The following AGBL4 variants were observed in gnomAD, a reference collection of about 807,000 sequenced individuals.
AGBL4 encodes the protein cytosolic carboxypeptidase 6.
Under a neutral mutation model 66.4 loss-of-function variants are expected in AGBL4, and 58 were observed. That is an observed-to-expected ratio of 0.87 (90% CI 0.71 to 1.09). The LOEUF (loss-of-function observed/expected upper bound fraction) is 1.09, where lower values mean the gene tolerates loss of function less well. Among genes scored for constraint, AGBL4 ranks in the 50% least tolerant of loss-of-function variants. AGBL4 has a pLI of 0.00. For synonymous variants in AGBL4, 234 were observed against 222.9 expected (o/e 1.05, Z -0.44); for missense variants, 579 against 631.0 (o/e 0.92, Z 0.88).
In AGBL4 at chr1:48,678,134, C is replaced by T. The variant is rs1042710094; in HGVS notation, c.635-14893G>A. 3.9e-5 allele frequency among the ~76,000 whole-genome samples: 6 copies of T among 152,068 alleles called. No individual in the cohort carries two copies. The East Asian group carries it at 5.8e-4, about 15-fold the overall frequency. ...TGTCAGGGACAGGGCAGCCTGACAGCGCTAGGATGGTCAGGCCTTCTCAGC... is the reference window on the plus strand; with the variant it reads ...TGTCAGGGACAGGGCAGCCTGACAGTGCTAGGATGGTCAGGCCTTCTCAGC... On this transcript the variant is annotated intron_variant, in intron 6 of 13. Transcript: ENST00000371839.
chr1:48,805,677 T>C (rs1439298471), intron 6 of AGBL4, among the ~76,000 whole-genome samples: 1 of 152,154 alleles, frequency 6.6e-6, no homozygotes, highest in Non-Finnish European at 1.5e-5. Flanking sequence ...AAAAGTTACT[T>C]CACCACAACG....
chr1:48,905,409 A>C (rs751530520), intron 5 of AGBL4, among the ~76,000 whole-genome samples: 3 of 152,232 alleles, frequency 2.0e-5, no homozygotes, highest in Non-Finnish European at 4.4e-5. Flanking sequence ...GTAATGTAGA[A>C]ATCATTGAGA....
chr1:49,311,920 T>A lies in AGBL4; in HGVS notation c.283-66056A>T, dbSNP rs188318435. Among the ~76,000 whole-genome samples, 439 of 152,130 alleles carry A rather than the reference T, an allele frequency of 2.9e-3. 1 individual carries two copies. The highest frequency in any genetic ancestry group is 4.8e-3 in the Non-Finnish European group (324 of 67,974). Reference sequence around the variant, plus strand: ...CAAAAATAGCTATAAAATGGAACAGTATAGAAAGTCCTAAAAAACTCATTC... The same window carrying A: ...CAAAAATAGCTATAAAATGGAACAGAATAGAAAGTCCTAAAAAACTCATTC... On this transcript the variant is annotated intron_variant, in intron 3 of 13. Coordinates refer to ENST00000371839, the MANE Select transcript of AGBL4 (RefSeq NM_032785.4).
At chr1:49,959,530 G>C (rs969675213) in intron 1 of AGBL4, among the ~76,000 whole-genome samples, 1 of 152,064 alleles carries the variant, frequency 6.6e-6, no homozygotes, top group African/African-American at 2.4e-5. Context: ...CTGGAACACA[G>C]TGGCTGTTTA....
intron 4 of AGBL4, among the ~76,000 whole-genome samples, chr1:49,160,524 G>A (rs2148138974): frequency 6.6e-6 from 1 of 152,238 alleles, no homozygotes; most frequent in East Asian, 1.9e-4. Context: ...GGAGACATGG[G>A]GGTCAGGGAC....
intron 2 of AGBL4, among the ~76,000 whole-genome samples, chr1:49,700,064 T>C (rs1012996011): frequency 1.3e-5 from 2 of 151,716 alleles, no homozygotes; most frequent in East Asian, 1.9e-4. Flanking sequence ...TTATTTTGGA[T>C]ATAATATCAA....
At chr1:48,757,244 C>T (rs1643982603) in intron 6 of AGBL4, among the ~76,000 whole-genome samples, 1 of 152,156 alleles carries the variant, frequency 6.6e-6, no homozygotes. Flanking sequence ...AAATTATTCA[C>T]TTTAAGATTG....
At chr1:48,913,297 C>T (rs1653302953) in intron 5 of AGBL4, among the ~76,000 whole-genome samples, 2 of 152,072 alleles carry the variant, frequency 1.3e-5, no homozygotes, top group South Asian at 4.2e-4. Flanking sequence ...GTGATTGAGT[C>T]CTGTTGCTGT....
chr1:49,996,508 T>G (rs1385080085), intron 1 of AGBL4, among the ~76,000 whole-genome samples: 1 of 151,466 alleles, frequency 6.6e-6, no homozygotes, highest in Non-Finnish European at 1.5e-5. Flanking sequence ...AATCCAACAA[T>G]GACAAAGAAA....
intron 3 of AGBL4, among the ~76,000 whole-genome samples, chr1:49,254,168 G>A (rs1019023817): frequency 2.6e-5 from 4 of 152,054 alleles, no homozygotes; most frequent in African/African-American, 9.7e-5. Context: ...CCTGGCCAGG[G>A]CAATCAGGCA....
At position 48,604,541 on chromosome 1, in the gene AGBL4, A is replaced by G. The variant is rs531720181; in HGVS notation, c.952-13556T>C. ...ATAAATTAAGCATAAGTGACTACAG[A>G]GGAGGTCTACCAAAAAAAAAAGTTA... On this transcript the variant is annotated intron_variant, in intron 9 of 13. Transcript: ENST00000371839. Among the ~76,000 whole-genome samples, 9 of 152,250 alleles carry G rather than the reference A, an allele frequency of 5.9e-5. No homozygotes were observed. In the East Asian group the frequency reaches 1.7e-3, roughly 29 times the overall value.
chr1:48,891,920 A>G (rs3127559), intron 5 of AGBL4, among the ~76,000 whole-genome samples: 131,246 of 152,130 alleles, frequency 0.86, 57,810 homozygotes, highest in Non-Finnish European at 0.96. Context: ...GTTCTAATAA[A>G]GGGAAGAGCA....
chr1:49,512,605 T>A (rs1649377618), intron 3 of AGBL4, among the ~76,000 whole-genome samples: 1 of 151,816 alleles, frequency 6.6e-6, no homozygotes, highest in Non-Finnish European at 1.5e-5. Flanking sequence ...CCTTCTGCCG[T>A]GATTGGAAGC....
At chr1:48,709,731 A>G (rs1646935679) in intron 6 of AGBL4, among the ~76,000 whole-genome samples, 1 of 151,948 alleles carries the variant, frequency 6.6e-6, no homozygotes, top group African/African-American at 2.4e-5. Context: ...CCTCCTGAGT[A>G]TCTGGGACTA....
chr1:48,650,262 T>A (rs1313618155), intron 8 of AGBL4, among the ~76,000 whole-genome samples: 2 of 152,208 alleles, frequency 1.3e-5, no homozygotes, highest in African/African-American at 4.8e-5. Flanking sequence ...CTCACGGGGA[T>A]GACTTAACTT....
At chr1:48,966,869 C>T (rs1188045286) in intron 5 of AGBL4, among the ~76,000 whole-genome samples, 1 of 152,018 alleles carries the variant, frequency 6.6e-6, no homozygotes, top group African/African-American at 2.4e-5. Context: ...TTTACCAAAA[C>T]TATAATTTGC....
At chr1:49,993,334 C>T (rs1194919860) in intron 1 of AGBL4, among the ~76,000 whole-genome samples, 2 of 152,182 alleles carry the variant, frequency 1.3e-5, no homozygotes, top group Non-Finnish European at 2.9e-5. Context: ...GTTCCTTGAT[C>T]CAGAAATCTA....
intron 2 of AGBL4, among the ~76,000 whole-genome samples, chr1:49,832,052 T>C (rs1645699889): frequency 6.6e-6 from 1 of 151,996 alleles, no homozygotes; most frequent in Non-Finnish European, 1.5e-5. Flanking sequence ...ATGTGCAGGT[T>C]AGTTACATAT....
intron 2 of AGBL4, among the ~76,000 whole-genome samples, chr1:49,745,435 TA>T (rs1650909960): frequency 6.6e-6 from 1 of 151,948 alleles, no homozygotes; most frequent in Non-Finnish European, 1.5e-5. Context: ...GTGACAAATG[TA>T]AGGGTTAAAT....
Sources: gnomAD v4.1 joint callset for allele counts (sites outside exome capture counted in the v4.1 genomes callset) on GRCh38, gnomAD v4.1.1 for gene constraint, MANE v1.5 for transcripts, NCBI Gene and HGNC (gene_info 2026-07-23, HGNC 2026-07-21) for gene names.